CNTN4: variants seen among roughly 807,000 people sequenced by gnomAD.
CNTN4 encodes contactin 4.
CNTN4 carries 77 observed loss-of-function variants against 122.5 expected under a neutral mutation model. That is an observed-to-expected ratio of 0.63 (90% confidence interval 0.52 to 0.76). The LOEUF is 0.76. Among genes scored for constraint, CNTN4 ranks in the 30% least tolerant of loss-of-function variants. CNTN4 has a pLI of 0.00. For missense variants in CNTN4, 1,256 were observed against 1,259.1 expected (o/e 1.00, Z 0.04); for synonymous variants, 512 against 447.0 (o/e 1.15, Z -1.83).
chr3:2,293,370 T>A (rs2042199562), intron 2 of CNTN4, among the ~76,000 whole-genome samples: 1 of 152,210 alleles, frequency 6.6e-6, no homozygotes, highest in Non-Finnish European at 1.5e-5. Flanking sequence ...TGTTAACTAT[T>A]ATTGTGAGTA....
chr3:2,307,613 G>GTT (rs34953174), intron 2 of CNTN4, among the ~76,000 whole-genome samples: 15 of 151,682 alleles, frequency 9.9e-5, no homozygotes, highest in African/African-American at 2.4e-4. Flanking sequence ...TTCCTTGAGT[G>GTT]TTTTTTTATC....
At chr3:2,889,347 A>G (rs2094012649) in intron 10 of CNTN4, among the ~76,000 whole-genome samples, 1 of 152,222 alleles carries the variant, frequency 6.6e-6, no homozygotes, top group Non-Finnish European at 1.5e-5. Flanking sequence ...TCTGTCTTCA[A>G]GAATATTAAA....
intron 4 of CNTN4, among the ~76,000 whole-genome samples, chr3:2,626,895 T>G (rs570540512): frequency 6.6e-6 from 1 of 152,350 alleles, no homozygotes; most frequent in East Asian, 1.9e-4. Context: ...ATTTACCACA[T>G]CACAGGGATG....
At chr3:2,435,009 C>A (rs1448108510) in intron 3 of CNTN4, among the ~76,000 whole-genome samples, 1 of 151,996 alleles carries the variant, frequency 6.6e-6, no homozygotes, top group Non-Finnish European at 1.5e-5. Context: ...TCAAATGGTC[C>A]CCCATGAAAT....
intron 6 of CNTN4, among the ~76,000 whole-genome samples, chr3:2,792,082 A>G (rs2149981458): frequency 6.6e-6 from 1 of 152,302 alleles, no homozygotes; most frequent in East Asian, 1.9e-4. Context: ...CTTAAAATAA[A>G]TTAATTAATT....
At chr3:2,173,906 C>G (rs2036623739) in intron 2 of CNTN4, among the ~76,000 whole-genome samples, 1 of 152,062 alleles carries the variant, frequency 6.6e-6, no homozygotes. Flanking sequence ...AAAATAATTT[C>G]TCAAAGAGGG....
In CNTN4 at chr3:2,347,502, C is replaced by T. The variant is rs1013091031; in HGVS notation, c.-89+8269C>T. ...TCGGCTGACTGCAACCTCCACCTCCCGAGTTCAAGTGATTCTCCTGCCTCA... is the reference window on the plus strand; with the variant it reads ...TCGGCTGACTGCAACCTCCACCTCCTGAGTTCAAGTGATTCTCCTGCCTCA... On this transcript the variant is annotated intron_variant, in intron 3 of 24. Coordinates refer to ENST00000418658, the MANE Select transcript of CNTN4 (RefSeq NM_175607.3). Among the ~76,000 whole-genome samples the T allele has an allele frequency of 1.1e-4, 16 of 151,210 alleles. No individual in the cohort carries two copies. In the East Asian group the frequency reaches 1.8e-3, roughly 17 times the overall value.
At chr3:2,733,604 G>A (rs765936074) in intron 4 of CNTN4, among the ~76,000 whole-genome samples, 5 of 146,440 alleles carry the variant, frequency 3.4e-5, no homozygotes, top group Non-Finnish European at 3.0e-5. Context: ...TGTGATCTCG[G>A]TTCACTGGAG....
chr3:2,875,744 A>T (rs1452995679), intron 8 of CNTN4, among the ~76,000 whole-genome samples: 2 of 152,230 alleles, frequency 1.3e-5, no homozygotes, highest in Non-Finnish European at 2.9e-5. Context: ...GGCTCCAAAG[A>T]CTTGAACTGG....
intron 14 of CNTN4, among the ~76,000 whole-genome samples, chr3:3,021,724 G>A (rs916847415): frequency 6.6e-6 from 1 of 152,170 alleles, no homozygotes; most frequent in Admixed American, 6.5e-5. Context: ...AGGGTATCAG[G>A]AAAGCAACAT....
chr3:2,120,198 C>T (rs908805660), intron 2 of CNTN4, among the ~76,000 whole-genome samples: 10 of 151,164 alleles, frequency 6.6e-5, no homozygotes, highest in African/African-American at 2.0e-4. Context: ...TAAATAGAAT[C>T]ATATAGGAGA....
At chr3:2,954,763 T>C (rs1368780573) in intron 13 of CNTN4, among the ~76,000 whole-genome samples, 3 of 152,136 alleles carry the variant, frequency 2.0e-5, no homozygotes, top group Non-Finnish European at 4.4e-5. Flanking sequence ...CAATTCCATA[T>C]GGAGTTTTCT....
chr3:2,840,164 C>T (rs909512674), intron 7 of CNTN4, among the ~76,000 whole-genome samples: 4 of 152,074 alleles, frequency 2.6e-5, no homozygotes, highest in African/African-American at 9.7e-5. Context: ...TTCAGCTTAC[C>T]AATCCGGGGT....
At chr3:2,613,574 G>T (rs2081588590) in intron 4 of CNTN4, among the ~76,000 whole-genome samples, 1 of 152,050 alleles carries the variant, frequency 6.6e-6, no homozygotes, top group East Asian at 1.9e-4. Context: ...GTATACATAA[G>T]ACCATGTATA....
At chr3:2,810,216 C>A (rs1342287876) in intron 6 of CNTN4, among the ~76,000 whole-genome samples, 1 of 152,140 alleles carries the variant, frequency 6.6e-6, no homozygotes, top group African/African-American at 2.4e-5. Flanking sequence ...ATAGAACCCA[C>A]CTCAAAGAGT....
chr3:2,466,131 A>G (rs543506597), intron 3 of CNTN4, among the ~76,000 whole-genome samples: 2 of 152,194 alleles, frequency 1.3e-5, no homozygotes, highest in South Asian at 4.1e-4. Context: ...TCTCGCTGCA[A>G]TAATTACTGC....
In CNTN4 at chr3:2,783,750, A is replaced by G. The variant is rs557720913; in HGVS notation, c.359-35736A>G. 2.2e-4 allele frequency among the ~76,000 whole-genome samples: 33 copies of G among 152,354 alleles called. 1 individual carries two copies. The South Asian group carries it at 2.7e-3, about 12-fold the overall frequency. Reference sequence around the variant, plus strand: ...AACTCAAGACTATAGAAGAGTTGTAACGTAAAGACGAATCCATTTTCGGCA... The same window carrying G: ...AACTCAAGACTATAGAAGAGTTGTAGCGTAAAGACGAATCCATTTTCGGCA... On this transcript the variant is annotated intron_variant, in intron 6 of 24. Coordinates refer to ENST00000418658, the MANE Select transcript of CNTN4 (RefSeq NM_175607.3).
At chr3:3,015,493 C>T (rs934482728) in intron 14 of CNTN4, among the ~76,000 whole-genome samples, 3 of 152,174 alleles carry the variant, frequency 2.0e-5, no homozygotes, top group Admixed American at 6.5e-5. Flanking sequence ...ATATGCTCCT[C>T]GGTGACCTCA....
intron 3 of CNTN4, among the ~76,000 whole-genome samples, chr3:2,466,554 G>C (rs950984486): frequency 1.3e-5 from 2 of 152,152 alleles, no homozygotes; most frequent in African/African-American, 4.8e-5. Context: ...CATTCTTTCA[G>C]CGTGTGATTG....
Sources: allele counts gnomAD v4.1 joint callset (sites outside exome capture counted in the v4.1 genomes callset), GRCh38; gene constraint gnomAD v4.1.1; transcripts MANE v1.5; gene names NCBI Gene and HGNC (gene_info 2026-07-23, HGNC 2026-07-21).